PPP2R2C: variants seen among roughly 807,000 people sequenced by gnomAD.
PPP2R2C encodes the protein protein phosphatase 2 regulatory subunit Bgamma, also known as protein phosphatase 2, regulatory subunit B, gamma.
A neutral mutation model predicts 45.3 loss-of-function variants in PPP2R2C; 10 were observed. The ratio of observed to expected loss-of-function variants is 0.22; its 90% CI spans 0.14 to 0.37. The LOEUF (loss-of-function observed/expected upper bound fraction) is 0.37. Among genes scored for constraint, PPP2R2C ranks in the 10% least tolerant of loss-of-function variants. PPP2R2C has a pLI of 1.00. For missense variants in PPP2R2C, 308 were observed against 619.7 expected (o/e 0.50, Z 5.34); for synonymous variants, 257 against 245.4 (o/e 1.05, Z -0.44).
intron 1 of PPP2R2C, among the ~76,000 whole-genome samples, chr4:6,455,388 T>C (rs961062706): frequency 1.3e-5 from 2 of 152,232 alleles, no homozygotes; most frequent in African/African-American, 4.8e-5. Flanking sequence ...TGTTCAGCAG[T>C]GGGAGAAGCT....
chr4:6,528,041 C>T (rs1164247863), intron 2 of PPP2R2C, among the ~76,000 whole-genome samples: 6 of 152,258 alleles, frequency 3.9e-5, no homozygotes, highest in Admixed American at 2.0e-4. Flanking sequence ...AATCTCAGGA[C>T]GGTGAGCGCA....
chr4:6,411,883 C>G (rs1044547801), intron 1 of PPP2R2C, among the ~76,000 whole-genome samples: 9 of 152,206 alleles, frequency 5.9e-5, no homozygotes, highest in Admixed American at 1.3e-4. Context: ...GCCCACTATC[C>G]CAGTGGCCCT....
chr4:6,359,871 T>C (rs1713573434), intron 5 of PPP2R2C, among the ~76,000 whole-genome samples: 2 of 152,312 alleles, frequency 1.3e-5, no homozygotes, highest in Admixed American at 6.5e-5. Context: ...ACTGGAAATA[T>C]AGCCAGGTAT....
At chr4:6,344,569 C>G (rs528977838) in intron 6 of PPP2R2C, among the ~76,000 whole-genome samples, 1 of 152,334 alleles carries the variant, frequency 6.6e-6, no homozygotes, top group South Asian at 2.1e-4. Context: ...CTATGCCCGT[C>G]TCTGTGCTCT....
At chr4:6,544,022 C>A (rs1421484588) in intron 1 of PPP2R2C, among the ~76,000 whole-genome samples, 1 of 152,190 alleles carries the variant, frequency 6.6e-6, no homozygotes, top group African/African-American at 2.4e-5. Flanking sequence ...GAGTGGACTG[C>A]CCACAAGGAG....
chr4:6,527,130 G>GT (rs74375279), intron 2 of PPP2R2C, among the ~76,000 whole-genome samples: 65,938 of 152,008 alleles, frequency 0.43, 14,616 homozygotes, highest in East Asian at 0.64. Flanking sequence ...CTGAGCCTCA[G>GT]TTTTTTTATC....
intron 1 of PPP2R2C, among the ~76,000 whole-genome samples, chr4:6,457,166 C>A (rs897092355): frequency 3.6e-5 from 5 of 139,322 alleles, no homozygotes; most frequent in Non-Finnish European, 6.1e-5. Flanking sequence ...TGACATGACA[C>A]CACTGTACCC....
chr4:6,352,657 CAG>C (rs1233634395), intron 5 of PPP2R2C, among the ~76,000 whole-genome samples: 3 of 152,150 alleles, frequency 2.0e-5, no homozygotes, highest in African/African-American at 7.2e-5. Flanking sequence ...GCAAGTTATG[CAG>C]AGAGGATGAA....
In PPP2R2C at chr4:6,400,827, G is replaced by A. The variant is rs80100536; in HGVS notation, c.71-19733C>T. Among the ~76,000 whole-genome samples, 1,255 of 152,320 alleles carry A rather than the reference G, an allele frequency of 8.2e-3. 21 individuals carry two copies. The highest frequency in any genetic ancestry group is 0.029 in the African/African-American group (1,200 of 41,576). On this transcript the variant is annotated intron_variant, in intron 1 of 8. Transcript: ENST00000382599. Reference sequence around the variant, plus strand: ...GCAAACATCTCAGAAATGAACTGAAGCCGTTGCTAGCTTGCTGGCTGGCTC... The same window carrying A: ...GCAAACATCTCAGAAATGAACTGAAACCGTTGCTAGCTTGCTGGCTGGCTC...
chr4:6,428,555 G>C (rs1002566390), intron 1 of PPP2R2C, among the ~76,000 whole-genome samples: 1 of 152,214 alleles, frequency 6.6e-6, no homozygotes. Flanking sequence ...AGGGGCCAGG[G>C]CCTCCTCCAT....
At position 6,364,894 on chromosome 4, in the gene PPP2R2C, C is replaced by G. The variant is rs1329412496; in HGVS notation, c.625+7629G>C. On this transcript the variant is annotated intron_variant, in intron 5 of 8. Coordinates refer to ENST00000382599, the MANE Select transcript of PPP2R2C (RefSeq NM_020416.4). The surrounding 1 kb of genome is among the most constrained non-coding windows in gnomAD (Gnocchi z 5.3). ...GCATTTGGACGATGGGATCACAGGACTCATCGAGGCTTGAGCAAGAAGAAG... is the reference window on the plus strand; with the variant it reads ...GCATTTGGACGATGGGATCACAGGAGTCATCGAGGCTTGAGCAAGAAGAAG... Among the ~76,000 whole-genome samples, 1 of 152,134 alleles carries G rather than the reference C, an allele frequency of 6.6e-6. No individual in the cohort carries two copies. Among genetic ancestry groups the G allele is most frequent in the East Asian group, 1.9e-4 (1 of 5,190 alleles).
At chr4:6,512,565 G>T (rs1234123162) in intron 2 of PPP2R2C, among the ~76,000 whole-genome samples, 2 of 132,988 alleles carry the variant, frequency 1.5e-5, no homozygotes, top group Non-Finnish European at 3.2e-5. Flanking sequence ...TGGTGGTGGT[G>T]GTGGTGATGG....
At chr4:6,348,730 A>T in intron 5 of PPP2R2C, 1 of 983,438 alleles carries the variant, frequency 1.0e-6, no homozygotes, top group Non-Finnish European at 1.2e-6. Flanking sequence ...CTGCCAGGAC[A>T]AGGAGAAACC....
At chr4:6,348,268 C>A (rs1202487949) in intron 5 of PPP2R2C, among the ~76,000 whole-genome samples, 1 of 151,888 alleles carries the variant, frequency 6.6e-6, no homozygotes, top group Non-Finnish European at 1.5e-5. Flanking sequence ...ACCTGCGGCC[C>A]CCCTCACCTG....
chr4:6,540,951 C>G (rs1353447640), intron 1 of PPP2R2C, among the ~76,000 whole-genome samples: 2 of 152,236 alleles, frequency 1.3e-5, no homozygotes, highest in African/African-American at 4.8e-5. Context: ...GGTTAAGGCT[C>G]CAGATCCCTT....
intron 1 of PPP2R2C, among the ~76,000 whole-genome samples, chr4:6,386,640 A>G (rs1716232713): frequency 2.6e-5 from 4 of 152,264 alleles, no homozygotes; most frequent in Admixed American, 1.3e-4. Context: ...ACAAAAATCT[A>G]GAGTCGCTCT....
At chr4:6,456,305 TTTC>T (rs376799115) in intron 1 of PPP2R2C, among the ~76,000 whole-genome samples, 3,174 of 130,770 alleles carry the variant, frequency 0.024, 41 homozygotes, top group African/African-American at 0.032. Flanking sequence ...AAGGATGTTA[TTTC>T]CCCCCCCCCC....
intron 5 of PPP2R2C, among the ~76,000 whole-genome samples, chr4:6,369,500 A>C (rs1438939742): frequency 6.6e-6 from 1 of 152,232 alleles, no homozygotes; most frequent in East Asian, 1.9e-4. Flanking sequence ...AATTTTTTTT[A>C]AATGGGAAAA....
chr4:6,430,783 G>T (rs1037118019), intron 1 of PPP2R2C, among the ~76,000 whole-genome samples: 2 of 152,116 alleles, frequency 1.3e-5, no homozygotes, highest in African/African-American at 4.8e-5. Context: ...AAATTAGCCA[G>T]TTGTGGTGGT....
Sources: allele counts gnomAD v4.1 joint callset (sites outside exome capture counted in the v4.1 genomes callset), GRCh38; gene constraint gnomAD v4.1.1; non-coding constraint Gnocchi (gnomAD v3.1); transcripts MANE v1.5; gene names NCBI Gene and HGNC (gene_info 2026-07-23, HGNC 2026-07-21).